ARHGAP21: variants seen among roughly 807,000 people sequenced by gnomAD.
The protein encoded by ARHGAP21 is rho GTPase-activating protein 21.
Under a neutral mutation model 164.6 loss-of-function variants are expected in ARHGAP21, and 38 were observed. That is an observed-to-expected ratio of 0.23 (90% confidence interval 0.18 to 0.30). The LOEUF (loss-of-function observed/expected upper bound fraction) is 0.30, where lower values mean the gene tolerates loss of function less well. Ranked by LOEUF, ARHGAP21 falls within the 10% of genes least tolerant of loss-of-function variation. The pLI, the probability that ARHGAP21 is intolerant of heterozygous loss-of-function variation, is 1.00. For missense variants in ARHGAP21, 1,822 were observed against 2,370.7 expected (o/e 0.77, Z 4.81); for synonymous variants, 766 against 857.9 (o/e 0.89, Z 1.87).
intron 4 of ARHGAP21, among the ~76,000 whole-genome samples, chr10:24,661,331 T>A (rs1488384636): frequency 6.6e-6 from 1 of 151,670 alleles, no homozygotes; most frequent in Non-Finnish European, 1.5e-5. Context: ...AAAATACTTT[T>A]AAAATATAAA....
chr10:24,656,393 G>A (rs1336843902), intron 4 of ARHGAP21, among the ~76,000 whole-genome samples: 19 of 103,130 alleles, frequency 1.8e-4, no homozygotes, highest in African/African-American at 6.7e-4. Context: ...GGGAGGTGGG[G>A]GGGTCAGCCC....
intron 14 of ARHGAP21, among the ~76,000 whole-genome samples, chr10:24,599,821 A>C (rs2076736565): frequency 1.3e-5 from 2 of 152,154 alleles, no homozygotes; most frequent in Non-Finnish European, 2.9e-5. Flanking sequence ...TCAAATCCCT[A>C]AACACTGTTC....
intron 17 of ARHGAP21, chr10:24,596,339 A>G: frequency 2.3e-6 from 1 of 432,968 alleles, no homozygotes; most frequent in Non-Finnish European, 4.0e-6. Flanking sequence ...ATAAAGAGTC[A>G]AGAAAAGAGG....
chr10:24,619,121 T>G (rs1478082973), intron 9 of ARHGAP21, among the ~76,000 whole-genome samples: 3 of 152,214 alleles, frequency 2.0e-5, no homozygotes, highest in Non-Finnish European at 4.4e-5. Flanking sequence ...TGGTAACTAA[T>G]TATCAAAACT....
At chr10:24,703,310 T>A (rs943599112) in intron 2 of ARHGAP21, among the ~76,000 whole-genome samples, 1 of 152,342 alleles carries the variant, frequency 6.6e-6, no homozygotes, top group South Asian at 2.1e-4. Flanking sequence ...GTAAATCTCA[T>A]ATAACATCAC....
chr10:24,697,707 A>C (rs1843292080), intron 2 of ARHGAP21, among the ~76,000 whole-genome samples: 1 of 151,954 alleles, frequency 6.6e-6, no homozygotes, highest in South Asian at 2.1e-4. Context: ...AAAAATACAA[A>C]AAATTAGCCG....
At chr10:24,590,242 C>T in intron 24 of ARHGAP21, 1 of 1,475,220 alleles carries the variant, frequency 6.8e-7, no homozygotes. Flanking sequence ...TCAGAAATAA[C>T]AAGAAACAGC....
In ARHGAP21 at chr10:24,607,731, C is replaced by A; in HGVS notation, c.2581+14G>T. 6.2e-7 allele frequency: 1 copy of A among 1,613,230 alleles called. No individual in the cohort carries two copies. Among genetic ancestry groups the A allele is most frequent in the South Asian group, 1.1e-5 (1 of 90,906 alleles). On this transcript the variant is annotated intron_variant, in intron 10 of 25. Coordinates refer to ENST00000396432, the MANE Select transcript of ARHGAP21 (RefSeq NM_020824.4). ...GCATGAGATACGGTTTACAAAACCA[C>A]CCTTTAGACGTACCGTGGTCATGTG... is the stretch of plus-strand genomic sequence containing the variant.
At chr10:24,678,559 G>T (rs2131861882) in intron 2 of ARHGAP21, among the ~76,000 whole-genome samples, 1 of 152,212 alleles carries the variant, frequency 6.6e-6, no homozygotes, top group Non-Finnish European at 1.5e-5. Context: ...GGAATGCAGT[G>T]GTATAATCCG....
In ARHGAP21 at chr10:24,591,160, G is replaced by C. The variant is rs973317895; in HGVS notation, c.4150+65C>G. On this transcript the variant is annotated intron_variant, in intron 24 of 25. Transcript: ENST00000396432. ...AGTAACAATTCACTATGATTGATTT[G>C]CTCTTTCATATTGTAAGAATGTAGC... The C allele has an allele frequency of 5.4e-6, 7 of 1,288,778 alleles. No homozygotes were observed. In the African/African-American group the frequency reaches 1.1e-4, roughly 19 times the overall value. The allele number at this position is 1,288,778 out of a possible 1,614,324, so 79.8% of individuals were successfully genotyped here. A position where few individuals can be genotyped will look rare whatever the true frequency, so the allele number is the denominator to read the frequency against.
chr10:24,612,596 T>A (rs1053742890), intron 9 of ARHGAP21, among the ~76,000 whole-genome samples: 14 of 152,226 alleles, frequency 9.2e-5, no homozygotes, highest in African/African-American at 3.4e-4. Flanking sequence ...GGCTCACGCC[T>A]GTAATCCCAG....
At chr10:24,631,003 GA>G (rs2131328264) in intron 6 of ARHGAP21, among the ~76,000 whole-genome samples, 1 of 152,198 alleles carries the variant, frequency 6.6e-6, no homozygotes, top group South Asian at 2.1e-4. Flanking sequence ...ATTTCCTGTT[GA>G]AAATGATAGA....
chr10:24,617,405 T>G (rs1042262824), intron 9 of ARHGAP21, among the ~76,000 whole-genome samples: 20 of 152,110 alleles, frequency 1.3e-4, no homozygotes, highest in Non-Finnish European at 1.9e-4. Context: ...GGTTGTAAGA[T>G]TTTTTTACAT....
At chr10:24,680,395 T>TC (rs1038176541) in intron 2 of ARHGAP21, among the ~76,000 whole-genome samples, 1 of 152,184 alleles carries the variant, frequency 6.6e-6, no homozygotes, top group South Asian at 2.1e-4. Context: ...CCCAAATATA[T>TC]CCAAGTTTTC....
At chr10:24,625,664 C>T (rs1181416544) in intron 7 of ARHGAP21, among the ~76,000 whole-genome samples, 2 of 152,170 alleles carry the variant, frequency 1.3e-5, no homozygotes, top group Non-Finnish European at 2.9e-5. Flanking sequence ...TTGCTTCCCT[C>T]ACTCTAGGCC....
intron 25 of ARHGAP21, among the ~76,000 whole-genome samples, chr10:24,587,557 G>A (rs2076156589): frequency 6.6e-6 from 1 of 152,182 alleles, no homozygotes; most frequent in Non-Finnish European, 1.5e-5. Context: ...GTTTTTACAA[G>A]TTATAAAGAC....
At chr10:24,668,058 T>C (rs1185759529) in intron 3 of ARHGAP21, among the ~76,000 whole-genome samples, 1 of 152,210 alleles carries the variant, frequency 6.6e-6, no homozygotes, top group African/African-American at 2.4e-5. Flanking sequence ...CTATGTTAAG[T>C]GTGTTACAAG....
intron 2 of ARHGAP21, among the ~76,000 whole-genome samples, chr10:24,701,009 C>A (rs1265756992): frequency 6.6e-6 from 1 of 152,114 alleles, no homozygotes; most frequent in Non-Finnish European, 1.5e-5. Context: ...TGTCAAAAGG[C>A]CTATTTCCAA....
intron 2 of ARHGAP21, among the ~76,000 whole-genome samples, chr10:24,708,763 C>A (rs906389294): frequency 1.3e-5 from 2 of 152,198 alleles, no homozygotes; most frequent in Admixed American, 1.3e-4. Context: ...TAATTTCATT[C>A]TTTCTTATGG....
Sources: gnomAD v4.1 joint callset for allele counts (sites outside exome capture counted in the v4.1 genomes callset) on GRCh38, gnomAD v4.1.1 for gene constraint, MANE v1.5 for transcripts, NCBI Gene and HGNC (gene_info 2026-07-23, HGNC 2026-07-21) for gene names.